TRIM37: variants seen among roughly 807,000 people sequenced by gnomAD.
TRIM37 encodes tripartite motif containing 37.
In TRIM37, 80 loss-of-function variants were observed where a neutral mutation model predicts 129.8. The observed-to-expected ratio is 0.62, with a 90% CI of 0.51 to 0.74. The LOEUF is 0.74. TRIM37 is among the 30% of genes least tolerant of loss of function. The pLI, the probability that TRIM37 is intolerant of heterozygous loss-of-function variation, is 0.00. For synonymous variants in TRIM37, 389 were observed against 387.1 expected, an observed-to-expected ratio of 1.00 and a Z score of -0.06; for missense variants, 1,054 against 1,176.5, an observed-to-expected ratio of 0.90 and a Z score of 1.52.
intron 15 of TRIM37, among the ~76,000 whole-genome samples, chr17:59,048,602 T>C (rs1453459427): frequency 6.6e-6 from 1 of 152,160 alleles, no homozygotes; most frequent in African/African-American, 2.4e-5. Context: ...ACCTTTTTTT[T>C]TTCTTTTTCT....
At chr17:58,994,770 C>T (rs1349108068), downstream of TRIM37, among the ~76,000 whole-genome samples, 1 of 147,474 alleles carries the variant, frequency 6.8e-6, no homozygotes, top group Non-Finnish European at 1.5e-5. Flanking sequence ...TTTTTTGAGA[C>T]AGAGTTTCGC....
At chr17:58,970,579 G>C in the TRIM37 span, among the ~76,000 whole-genome samples, 3 of 152,132 alleles carry the variant, frequency 2.0e-5, no homozygotes, top group African/African-American at 7.2e-5. Context: ...TGATAGCATA[G>C]TTATGCTACA....
intron 17 of TRIM37, among the ~76,000 whole-genome samples, chr17:59,033,132 T>C (rs1336244318): frequency 6.6e-6 from 1 of 152,162 alleles, no homozygotes; most frequent in African/African-American, 2.4e-5. Context: ...AGATAGAACA[T>C]TTTAAAACAA....
chr17:59,076,852 G>A (rs779694267), intron 7 of TRIM37, among the ~76,000 whole-genome samples: 4 of 152,104 alleles, frequency 2.6e-5, no homozygotes, highest in South Asian at 2.1e-4. Context: ...GCAATGGCAC[G>A]AACTCAGCTC....
chr17:59,043,916 C>T (rs2039508216), intron 16 of TRIM37, among the ~76,000 whole-genome samples: 1 of 152,208 alleles, frequency 6.6e-6, no homozygotes, highest in African/African-American at 2.4e-5. Flanking sequence ...AAACATACAA[C>T]ACTATTAAGA....
At chr17:59,024,482 T>G (rs1414473850) in intron 19 of TRIM37, among the ~76,000 whole-genome samples, 1 of 152,178 alleles carries the variant, frequency 6.6e-6, no homozygotes, top group Non-Finnish European at 1.5e-5. Context: ...AAGTACCACA[T>G]TCCTAGACAT....
chr17:59,095,973 G>A (rs900762250), intron 2 of TRIM37, among the ~76,000 whole-genome samples: 2 of 152,076 alleles, frequency 1.3e-5, no homozygotes, highest in Non-Finnish European at 2.9e-5. Flanking sequence ...TCCATCTTTG[G>A]GCCTCCCAAC....
chr17:59,036,885 G>A (rs551926022), intron 17 of TRIM37, among the ~76,000 whole-genome samples: 1 of 152,092 alleles, frequency 6.6e-6, no homozygotes, highest in Non-Finnish European at 1.5e-5. Flanking sequence ...GGCTGAGGCG[G>A]GTGGATCACT....
chr17:59,024,926 C>T (rs1032214909), intron 19 of TRIM37, among the ~76,000 whole-genome samples: 1 of 152,124 alleles, frequency 6.6e-6, no homozygotes, highest in Non-Finnish European at 1.5e-5. Context: ...AAACCAAGAA[C>T]AGAATAAACA....
intron 3 of TRIM37, among the ~76,000 whole-genome samples, chr17:59,089,625 G>C (rs148972342): frequency 3.3e-5 from 5 of 152,302 alleles, no homozygotes; most frequent in African/African-American, 1.2e-4. Flanking sequence ...TGGCGAAAGA[G>C]TGAGACTCCA....
intron 24 of TRIM37, among the ~76,000 whole-genome samples, chr17:58,987,098 C>A (rs984871702): frequency 3.3e-5 from 5 of 152,180 alleles, no homozygotes; most frequent in African/African-American, 1.2e-4. Flanking sequence ...CAAGGGCCCT[C>A]ACACACAGGT....
At chr17:59,012,247 A>ACCC in intron 22 of TRIM37, 81 bp downstream of exon 22, 10 of 836,428 alleles carry the variant, frequency 1.2e-5, no homozygotes, top group East Asian at 7.7e-5. Context: ...CACCACCACC[A>ACCC]CCACCACCAC....
intron 22 of TRIM37, among the ~76,000 whole-genome samples, chr17:59,003,922 TA>T (rs60843441): frequency 0.029 from 2,617 of 89,574 alleles, 65 homozygotes; most frequent in African/African-American, 0.094. Flanking sequence ...CCCATCTCTA[TA>T]AAAAAAAAAA....
intron 2 of TRIM37, among the ~76,000 whole-genome samples, chr17:59,098,868 CAA>C (rs1051283017): frequency 4.6e-5 from 7 of 151,892 alleles, no homozygotes; most frequent in African/African-American, 1.7e-4. Flanking sequence ...GAAAACAACC[CAA>C]GTGTCCATCA....
At chr17:59,036,314 T>C (rs2038470618) in intron 17 of TRIM37, among the ~76,000 whole-genome samples, 2 of 152,166 alleles carry the variant, frequency 1.3e-5, no homozygotes, top group Admixed American at 1.3e-4. Context: ...TTTATTCAGT[T>C]ATTTGAAGTT....
At chr17:59,042,441 AAAAAAAAAATATATAT>A (rs1184181828) in intron 16 of TRIM37, among the ~76,000 whole-genome samples, 10 of 84,460 alleles carry the variant, frequency 1.2e-4, no homozygotes, top group Admixed American at 4.0e-4. Context: ...TAAAAAAAAA[AAAAAAAAAATATATAT>A]ATATATATAT....
intron 3 of TRIM37, among the ~76,000 whole-genome samples, chr17:59,091,049 T>C (rs1354950119): frequency 6.6e-6 from 1 of 152,146 alleles, no homozygotes; most frequent in African/African-American, 2.4e-5. Context: ...TGTTGCTTAA[T>C]TATAAAAGGT....
At chr17:59,104,942 A>T (rs2045857670) in intron 1 of TRIM37, among the ~76,000 whole-genome samples, 1 of 151,960 alleles carries the variant, frequency 6.6e-6, no homozygotes, top group African/African-American at 2.4e-5. Context: ...AAATACAAAA[A>T]TTAGCCAGGC....
downstream of TRIM37, among the ~76,000 whole-genome samples, chr17:58,998,043 C>T (rs578155793): frequency 2.6e-5 from 4 of 152,276 alleles, no homozygotes; most frequent in African/African-American, 9.6e-5. Context: ...CAGGTTTATT[C>T]TAATTTTAGA....
Sources: gnomAD v4.1 joint callset for allele counts (sites outside exome capture counted in the v4.1 genomes callset) on GRCh38, gnomAD v4.1.1 for gene constraint, MANE v1.5 for transcripts, NCBI Gene and HGNC (gene_info 2026-07-23, HGNC 2026-07-21) for gene names.